Variants in ZNF814 observed in about 807,000 individuals in gnomAD.
The protein encoded by ZNF814 is zinc finger protein 814.
A neutral mutation model predicts 7.5 loss-of-function variants in ZNF814; 5 were observed. That is an observed-to-expected ratio of 0.67 (90% CI 0.35 to 1.40). The LOEUF (loss-of-function observed/expected upper bound fraction) is 1.40, where lower values mean the gene tolerates loss of function less well. ZNF814 is among the 40% of genes most tolerant of loss of function. ZNF814 has a pLI of 0.04. For missense variants in ZNF814, 962 were observed against 1,018.0 expected (o/e 0.94, Z 0.75); for synonymous variants, 315 against 340.7 (o/e 0.92, Z 0.83).
rs929450735 is a variant in ZNF814, at chr19:57,871,515, A to C, written c.*1307T>G. Reference sequence around the variant, plus strand: ...CACCCATACAGTGACAACAACCCTCAAGATTGAAGAAGGCTGAAACAATAA... The same window carrying C: ...CACCCATACAGTGACAACAACCCTCCAGATTGAAGAAGGCTGAAACAATAA... On this transcript the variant is annotated 3_prime_UTR_variant, in exon 3 of 3. Coordinates refer to ENST00000435989, the MANE Select transcript of ZNF814 (RefSeq NM_001144989.2). 6.6e-6 allele frequency: 1 copy of C among 152,118 alleles called. No homozygotes were observed. The highest frequency in any genetic ancestry group is 1.5e-5 in the Non-Finnish European group (1 of 68,024). 9.4% of individuals were successfully genotyped at this position (152,118 alleles called of 1,614,324 possible). A position where few individuals can be genotyped will look rare whatever the true frequency, so the allele number is the denominator to read the frequency against.
intron 1 of ZNF814, among the ~76,000 whole-genome samples, chr19:57,884,437 C>A (rs2122460072): frequency 6.6e-6 from 1 of 152,132 alleles, no homozygotes; most frequent in Non-Finnish European, 1.5e-5. Context: ...ACCAGTGAGA[C>A]CCCCATCTCT....
rs1219736718 is a variant in ZNF814, at chr19:57,869,852, G to A, written c.*2970C>T. On this transcript the variant is annotated 3_prime_UTR_variant, in exon 3 of 3. Coordinates refer to ENST00000435989, the MANE Select transcript of ZNF814 (RefSeq NM_001144989.2). ...CCCACCTACATGGGAGGCTGAGCCA[G>A]GAGAATTGCTTGAACCTAGGAGGTA... The A allele has an allele frequency of 6.6e-6, 1 of 151,832 alleles. No individual in the cohort carries two copies. Among genetic ancestry groups the A allele is most frequent in the Non-Finnish European group, 1.5e-5 (1 of 68,054 alleles). The allele number at this position is 151,832 out of a possible 1,614,324, so 9.4% of individuals were successfully genotyped here.
the ZNF814 span, among the ~76,000 whole-genome samples, chr19:57,895,484 C>T: frequency 1.3e-5 from 2 of 151,982 alleles, no homozygotes; most frequent in Non-Finnish European, 2.9e-5. Flanking sequence ...CCATGTTGGC[C>T]AGGCTGGTCT....
upstream of ZNF814, among the ~76,000 whole-genome samples, chr19:57,892,746 TG>T (rs912209256): frequency 2.0e-5 from 3 of 151,748 alleles, no homozygotes; most frequent in African/African-American, 7.3e-5. Flanking sequence ...GCAATGGGAG[TG>T]GGGGGGGCTT....
the ZNF814 span, among the ~76,000 whole-genome samples, chr19:57,898,939 C>CAA: frequency 5.6e-3 from 518 of 91,890 alleles, 4 homozygotes; most frequent in African/African-American, 0.018. Flanking sequence ...GACTCTGTCT[C>CAA]AAAAAAAAAA....
upstream of ZNF814, among the ~76,000 whole-genome samples, chr19:57,890,179 G>C (rs2071726874): frequency 6.6e-6 from 1 of 152,058 alleles, no homozygotes; most frequent in African/African-American, 2.4e-5. Flanking sequence ...ACACCCAGAG[G>C]GTTCATTTTT....
rs1600134593 is a variant in ZNF814, at chr19:57,873,138, T to A, written c.2252A>T (p.Lys751Ile). The change falls in exon 3 of 3, where the codon AAA (lysine) becomes ATA (isoleucine). Residue 751 changes from lysine (K) to isoleucine (I), a missense_variant. By Grantham distance (102) the Lys-to-Ile change is moderately radical. Around this residue, in one of 7 missense-constraint regions of ZNF814, gnomAD observed 665 missense variants for 551.4 expected, o/e 1.21. Coordinates refer to ENST00000435989, the MANE Select transcript of ZNF814 (RefSeq NM_001144989.2). The part of the protein sequence containing the change: ...ERPYECNDCG[K>I]SFTHSSTFCV... ...GAATGTAGAGCTGTGGGTAAATGAT[T>A]TTCCACAATCATTGCATTCATAAGG... The A allele has an allele frequency of 1.2e-6, 2 of 1,613,950 alleles. No individual in the cohort carries two copies. Among genetic ancestry groups the A allele is most frequent in the East Asian group, 4.5e-5 (2 of 44,862 alleles).
intron 1 of ZNF814, among the ~76,000 whole-genome samples, chr19:57,884,057 G>A (rs1239941951): frequency 6.6e-6 from 1 of 152,034 alleles, no homozygotes; most frequent in African/African-American, 2.4e-5. Context: ...GAGCCTGGCC[G>A]ACAAAGACTT....
chr19:57,886,472 C>A (rs1455272878), intron 1 of ZNF814, among the ~76,000 whole-genome samples: 1 of 152,118 alleles, frequency 6.6e-6, no homozygotes, highest in Non-Finnish European at 1.5e-5. Flanking sequence ...AGATTTTGAT[C>A]CTGTCCTTTG....
At chr19:57,878,450 G>A (rs1051050534) in intron 1 of ZNF814, among the ~76,000 whole-genome samples, 2 of 151,486 alleles carry the variant, frequency 1.3e-5, no homozygotes, top group African/African-American at 4.9e-5. Context: ...TCAGAGGCTA[G>A]GATACATTAC....
rs2122401866 is a variant in ZNF814 at position 57,869,533 on chromosome 19, CATT to C, written c.*3286_*3288del. 6.6e-6 allele frequency: 1 copy of C among 152,178 alleles called. No individual in the cohort carries two copies. Among genetic ancestry groups the C allele is most frequent in the Admixed American group, 6.5e-5 (1 of 15,268 alleles). 9.4% of individuals were successfully genotyped at this position (152,178 alleles called of 1,614,324 possible). A position where few individuals can be genotyped will look rare whatever the true frequency, so the allele number is the denominator to read the frequency against. ...CAAGTAAATATAAAGGTGTTAAGTT[CATT>C]ATTGTGACTATGTTAATGGTTTCAT... On this transcript the variant is annotated 3_prime_UTR_variant, in exon 3 of 3. Transcript: ENST00000435989.
chr19:57,886,958 C>T (rs992245646), intron 1 of ZNF814, among the ~76,000 whole-genome samples: 3 of 151,852 alleles, frequency 2.0e-5, no homozygotes, highest in African/African-American at 4.8e-5. Context: ...GAGGCTGAGG[C>T]GGGCGGATCA....
At position 57,873,456 on chromosome 19, in the gene ZNF814, C is replaced by G; in HGVS notation, c.1934G>C (p.Gly645Ala). 5.0e-6 allele frequency: 8 copies of G among 1,614,062 alleles called. No homozygotes were observed. Among genetic ancestry groups the G allele is most frequent in the Non-Finnish European group, 6.8e-6 (8 of 1,180,004 alleles). Residue 645 changes from glycine (G) to alanine (A), a missense_variant, in exon 3 of 3, where the codon GGA (glycine) becomes GCA (alanine). Transcript: ENST00000435989. ...AACTCGCTGATGATTCCTAAGGTGT[C>G]CTTTTTCATTAAAAGATTTCCCACA... ...GDCGKSFNEKGHLRNHQRVHT... is the reference protein window; with the variant it reads ...GDCGKSFNEKAHLRNHQRVHT...
chr19:57,905,121 G>C, the ZNF814 span, among the ~76,000 whole-genome samples: 2 of 150,284 alleles, frequency 1.3e-5, no homozygotes, highest in Non-Finnish European at 3.0e-5. Context: ...AATGATGCTG[G>C]GGGCTGGGTG....
Position 57,874,043 on chromosome 19 carries a change from T to A in ZNF814, c.1347A>T (p.Gly449=), listed in dbSNP as rs766032861. 1.9e-6 allele frequency: 3 copies of A among 1,611,384 alleles called. No homozygotes were observed. The highest frequency in any genetic ancestry group is 2.2e-5 in the South Asian group (2 of 90,812). The change falls in exon 3 of 3, where the codon GGA becomes GGT. Residue 449 remains glycine (G), a synonymous_variant. Coordinates refer to ENST00000435989, the MANE Select transcript of ZNF814 (RefSeq NM_001144989.2). ...GAACTCGTTGATGGCTCCTAAGATGTCCTTCTGAACTAAAAGATTTCCCAC... is the reference window on the plus strand; with the variant it reads ...GAACTCGTTGATGGCTCCTAAGATGACCTTCTGAACTAAAAGATTTCCCAC... The part of the protein sequence containing the change: ...EECGKSFSSE[G]HLRSHQRVHA...
Position 57,873,247 on chromosome 19 carries a change from G to A in ZNF814, c.2143C>T (p.Pro715Ser), listed in dbSNP as rs768883088. 6.2e-7 allele frequency: 1 copy of A among 1,605,158 alleles called. No individual in the cohort carries two copies. Among genetic ancestry groups the A allele is most frequent in the Admixed American group, 1.7e-5 (1 of 58,208 alleles). Residue 715 changes from proline (P) to serine (S), a missense_variant, in exon 3 of 3, where the codon CCA becomes TCA. Coordinates refer to ENST00000435989, the MANE Select transcript of ZNF814 (RefSeq NM_001144989.2). ...TTCTGACAAGCTTCACAAGCATATG[G>A]CTTTTCTCCATTGTGAATTCTCTGG... ...VHQRIHNGEK[P>S]YACEACQKFF... is the part of the protein sequence containing the mutation.
the ZNF814 span, among the ~76,000 whole-genome samples, chr19:57,900,863 T>TTTTTTTTTTTTTTTTTC: frequency 8.6e-6 from 1 of 115,908 alleles, no homozygotes; most frequent in Non-Finnish European, 1.9e-5. Flanking sequence ...TTTTTTTTTT[T>TTTTTTTTTTTTTTTTTC]TTGAGACGGA....
In ZNF814 at chr19:57,873,570, C is replaced by G; in HGVS notation, c.1820G>C (p.Gly607Ala). Reference protein sequence around the residue: ...VHTGERPYECGECGKSFSHKR... With the variant: ...VHTGERPYECAECGKSFSHKR... ...ATGACTAAAAGATTTCCCACATTCT[C>G]CACACTCATAAGGCCTCTCTCCAGT... The change falls in exon 3 of 3, where the codon GGA becomes GCA. Residue 607 changes from glycine (G) to alanine (A), a missense_variant. This residue lies in a region of ZNF814 where 665 missense variants were observed against 551.4 expected (regional missense o/e 1.21). Transcript: ENST00000435989. The G allele has an allele frequency of 1.2e-6, 2 of 1,613,960 alleles. No homozygotes were observed. The highest frequency in any genetic ancestry group is 1.7e-6 in the Non-Finnish European group (2 of 1,179,988).
intron 1 of ZNF814, among the ~76,000 whole-genome samples, chr19:57,882,568 G>A (rs1377787732): frequency 8.5e-6 from 1 of 117,000 alleles, no homozygotes; most frequent in Non-Finnish European, 1.6e-5. Context: ...ACAGAGACAT[G>A]CTGGGACAAA....
Sources: allele counts gnomAD v4.1 joint callset (sites outside exome capture counted in the v4.1 genomes callset), GRCh38; gene constraint gnomAD v4.1.1; regional missense constraint gnomAD v4.1.1; transcripts MANE v1.5; gene names NCBI Gene and HGNC (gene_info 2026-07-23, HGNC 2026-07-21).